Variants in LRMDA observed in about 807,000 individuals in gnomAD.
LRMDA encodes the protein leucine rich melanocyte differentiation associated, also known as leucine-rich melanocyte differentiation-associated protein.
A neutral mutation model predicts 29.8 loss-of-function variants in LRMDA; 18 were observed. That is an observed-to-expected ratio of 0.60 (90% CI 0.42 to 0.90). The LOEUF is 0.90. LRMDA is among the 40% of genes least tolerant of loss of function. The pLI is 0.00. For synonymous variants in LRMDA, 125 were observed against 109.4 expected (o/e 1.14, Z -0.89); for missense variants, 273 against 273.9 (o/e 1.00, Z 0.02).
At chr10:75,983,683 C>A (rs1292818155) in intron 2 of LRMDA, among the ~76,000 whole-genome samples, 2 of 152,158 alleles carry the variant, frequency 1.3e-5, no homozygotes, top group East Asian at 3.9e-4. Flanking sequence ...GATACAGAGT[C>A]TTGCTCTGTC....
intron 6 of LRMDA, among the ~76,000 whole-genome samples, chr10:76,442,433 T>C (rs1842313440): frequency 6.6e-6 from 1 of 152,208 alleles, no homozygotes; most frequent in South Asian, 2.1e-4. Context: ...GGCTTACACC[T>C]ATAATCCTAG....
intron 6 of LRMDA, among the ~76,000 whole-genome samples, chr10:76,521,959 T>A (rs1843126066): frequency 6.6e-6 from 1 of 152,186 alleles, no homozygotes; most frequent in South Asian, 2.1e-4. Context: ...ATTTGCTTCT[T>A]AAGTGATTGA....
rs563692806 is a variant in LRMDA, at chr10:75,483,513, A to G, written c.131+45019A>G. On this transcript the variant is annotated intron_variant, in intron 2 of 6. Coordinates refer to ENST00000611255, the MANE Select transcript of LRMDA (RefSeq NM_001305581.2). ...ACACATATTTACTAGCTCTGTGACC[A>G]TGAAAAGTGATTTGACCTTCTTGAC... Among the ~76,000 whole-genome samples the G allele has an allele frequency of 8.5e-5, 13 of 152,356 alleles. No individual in the cohort carries two copies. The East Asian group carries it at 9.6e-4, about 11-fold the overall frequency.
intron 6 of LRMDA, among the ~76,000 whole-genome samples, chr10:76,455,755 G>A (rs543665507): frequency 1.3e-5 from 2 of 152,220 alleles, no homozygotes; most frequent in African/African-American, 2.4e-5. Context: ...AAGTGGCAGG[G>A]GATCAGAGGG....
chr10:75,847,529 T>G (rs1247913720), intron 2 of LRMDA, among the ~76,000 whole-genome samples: 1 of 152,122 alleles, frequency 6.6e-6, no homozygotes, highest in Non-Finnish European at 1.5e-5. Context: ...ACTTAAAAAC[T>G]TCACATCAAA....
At chr10:76,112,214 C>T (rs149852989) in intron 5 of LRMDA, among the ~76,000 whole-genome samples, 426 of 152,224 alleles carry the variant, frequency 2.8e-3, no homozygotes, top group African/African-American at 9.6e-3. Flanking sequence ...GAGGAATGAG[C>T]CTGGGGGAGC....
intron 5 of LRMDA, among the ~76,000 whole-genome samples, chr10:76,126,646 A>T (rs1013684028): frequency 6.6e-6 from 1 of 151,938 alleles, no homozygotes; most frequent in Non-Finnish European, 1.5e-5. Flanking sequence ...TCCTTTTTCC[A>T]TCTTGCAATA....
At chr10:75,743,602 A>G (rs1412170361) in intron 2 of LRMDA, 2 of 152,220 alleles carry the variant, frequency 1.3e-5, no homozygotes, top group African/African-American at 2.4e-5. Context: ...AGCTTGGGAA[A>G]TACACCACGT....
chr10:75,531,661 G>C (rs1182370325), intron 2 of LRMDA, among the ~76,000 whole-genome samples: 1 of 152,206 alleles, frequency 6.6e-6, no homozygotes, highest in Non-Finnish European at 1.5e-5. Flanking sequence ...TCTCTGGACA[G>C]GGTCTTTTAA....
At chr10:76,059,717 G>T (rs1394923377) in intron 5 of LRMDA, among the ~76,000 whole-genome samples, 1 of 152,136 alleles carries the variant, frequency 6.6e-6, no homozygotes, top group African/African-American at 2.4e-5. Flanking sequence ...ATTAAAGGGG[G>T]GAAAGAAAAA....
chr10:76,310,622 G>A (rs1293639950), intron 5 of LRMDA, among the ~76,000 whole-genome samples: 1 of 152,088 alleles, frequency 6.6e-6, no homozygotes, highest in Non-Finnish European at 1.5e-5. Flanking sequence ...CCTCACAGCT[G>A]TCACAATAAT....
At chr10:75,445,339 A>G (rs1051891309) in intron 2 of LRMDA, among the ~76,000 whole-genome samples, 1 of 152,072 alleles carries the variant, frequency 6.6e-6, no homozygotes, top group East Asian at 1.9e-4. Flanking sequence ...TAGCTCTAAT[A>G]TAAATATCTT....
At chr10:76,348,535 C>T (rs554489408) in intron 6 of LRMDA, among the ~76,000 whole-genome samples, 2 of 152,264 alleles carry the variant, frequency 1.3e-5, no homozygotes, top group South Asian at 2.1e-4. Flanking sequence ...CATGTGAAGA[C>T]GATTGCATTA....
chr10:76,427,394 G>T (rs1842139665), intron 6 of LRMDA, among the ~76,000 whole-genome samples: 1 of 151,992 alleles, frequency 6.6e-6, no homozygotes, highest in African/African-American at 2.4e-5. Context: ...TCATGATTTG[G>T]CTCTCTGTTT....
chr10:76,333,019 A>G (rs2132409348), intron 6 of LRMDA, among the ~76,000 whole-genome samples: 1 of 152,336 alleles, frequency 6.6e-6, no homozygotes, highest in South Asian at 2.1e-4. Flanking sequence ...ATAGCGTGCA[A>G]TGTAGGTGAG....
chr10:75,688,594 A>G (rs1414141245), intron 2 of LRMDA, among the ~76,000 whole-genome samples: 4 of 152,254 alleles, frequency 2.6e-5, no homozygotes, highest in Non-Finnish European at 5.9e-5. Flanking sequence ...ATGACAACAA[A>G]GGATTTAGAA....
At chr10:75,801,719 A>G (rs1294859622) in intron 2 of LRMDA, among the ~76,000 whole-genome samples, 1 of 152,196 alleles carries the variant, frequency 6.6e-6, no homozygotes, top group African/African-American at 2.4e-5. Context: ...CCTCTAAGCC[A>G]TTGAACTTCG....
chr10:76,187,149 G>A (rs1301952861), intron 5 of LRMDA, among the ~76,000 whole-genome samples: 1 of 152,064 alleles, frequency 6.6e-6, no homozygotes, highest in African/African-American at 2.4e-5. Context: ...TATACCACAC[G>A]ATGCTGTCAC....
chr10:76,453,489 G>A (rs139744992), intron 6 of LRMDA, among the ~76,000 whole-genome samples: 1 of 152,112 alleles, frequency 6.6e-6, no homozygotes, highest in Non-Finnish European at 1.5e-5. Flanking sequence ...ACTTTGAGGG[G>A]GCTATGATAA....
Sources: gnomAD v4.1 joint callset for allele counts (sites outside exome capture counted in the v4.1 genomes callset) on GRCh38, gnomAD v4.1.1 for gene constraint, MANE v1.5 for transcripts, NCBI Gene and HGNC (gene_info 2026-07-23, HGNC 2026-07-21) for gene names.